The following PCCA variants were observed in gnomAD, a reference collection of about 807,000 sequenced individuals.
PCCA encodes propionyl-CoA carboxylase alpha chain, mitochondrial.
In PCCA, 74 loss-of-function variants were observed where a neutral mutation model predicts 101.3. The ratio of observed to expected loss-of-function variants is 0.73; its 90% CI spans 0.61 to 0.89. The LOEUF is 0.89. Ranked by LOEUF, PCCA falls within the 40% of genes least tolerant of loss-of-function variation. The probability of loss-of-function intolerance (pLI) is 0.00; values close to 1 mark genes in which losing one functional copy is unlikely to be tolerated. For synonymous variants in PCCA, 294 were observed against 313.6 expected, an observed-to-expected ratio of 0.94 and a Z score of 0.66; for missense variants, 891 against 907.0, an observed-to-expected ratio of 0.98 and a Z score of 0.23.
rs2050568806 is a variant in PCCA, at chr13:100,132,047, T to C, written c.300+19986T>C. On this transcript the variant is annotated intron_variant, in intron 4 of 23. Coordinates refer to ENST00000376285, the MANE Select transcript of PCCA (RefSeq NM_000282.4). ...GGGAGAGGACAATACTAGGGCAGAA[T>C]AGAGCTTGGTAATTTCCAGAAAGTT... Among the ~76,000 whole-genome samples the C allele has an allele frequency of 1.3e-5, 2 of 152,146 alleles. 1 individual carries two copies. Among genetic ancestry groups the C allele is most frequent in the South Asian group, 4.1e-4 (2 of 4,828 alleles).
intron 14 of PCCA, among the ~76,000 whole-genome samples, 161 bp from the exon 15 acceptor site, chr13:100,307,031 A>G (rs2066504622): frequency 6.6e-6 from 1 of 152,234 alleles, no homozygotes; most frequent in African/African-American, 2.4e-5. Context: ...TTACATATTA[A>G]CGGATCAAGA....
intron 4 of PCCA, among the ~76,000 whole-genome samples, chr13:100,116,494 G>A (rs1048373903): frequency 2.0e-5 from 3 of 152,158 alleles, no homozygotes; most frequent in Non-Finnish European, 2.9e-5. Context: ...TTTTAGAGAT[G>A]ATTATGCAGT....
At chr13:100,117,551 C>G (rs1207319387) in intron 4 of PCCA, among the ~76,000 whole-genome samples, 3 of 151,594 alleles carry the variant, frequency 2.0e-5, no homozygotes, top group Non-Finnish European at 4.4e-5. Context: ...CACGTTCTCA[C>G]TCATAGGTGG....
intron 19 of PCCA, among the ~76,000 whole-genome samples, chr13:100,372,084 C>G (rs2075608891): frequency 6.6e-6 from 1 of 152,192 alleles, no homozygotes; most frequent in South Asian, 2.1e-4. Context: ...GTGGCTCATG[C>G]CTGTAATCTC....
chr13:100,176,864 T>C (rs980874579), intron 6 of PCCA, among the ~76,000 whole-genome samples: 40 of 152,214 alleles, frequency 2.6e-4, no homozygotes, highest in African/African-American at 9.6e-4. Context: ...AGTTTAGTAA[T>C]GTTCTGATTA....
intron 18 of PCCA, among the ~76,000 whole-genome samples, chr13:100,350,269 A>G (rs1263569181): frequency 7.2e-5 from 11 of 152,206 alleles, no homozygotes; most frequent in Admixed American, 7.2e-4. Context: ...ACAACTTATC[A>G]TAACTCGTTT....
chr13:100,134,382 G>A (rs150582578), intron 4 of PCCA, among the ~76,000 whole-genome samples: 13 of 151,758 alleles, frequency 8.6e-5, no homozygotes, highest in East Asian at 7.7e-4. Flanking sequence ...TTGCCTTTTC[G>A]TATACATTTT....
Position 100,297,697 on chromosome 13 carries a change from G to T in PCCA, c.1066-3763G>T, listed in dbSNP as rs915569947. Among the ~76,000 whole-genome samples the T allele has an allele frequency of 5.3e-5, 8 of 152,300 alleles. No homozygotes were observed. The East Asian group carries it at 1.5e-3, about 29-fold the overall frequency. ...AAAGCTAGCCGATTGTTACCATCTA[G>T]CGTAGGTGTATGGAGCTAAACATAT... is the stretch of plus-strand genomic sequence containing the variant. On this transcript the variant is annotated intron_variant, in intron 12 of 23. Transcript: ENST00000376285.
chr13:100,106,309 C>T (rs2047789569), intron 2 of PCCA, among the ~76,000 whole-genome samples: 1 of 152,084 alleles, frequency 6.6e-6, no homozygotes, highest in South Asian at 2.1e-4. Flanking sequence ...TCATTATAAC[C>T]TCATAGTGAA....
In PCCA at chr13:100,111,882, A is replaced by C. The variant is rs1243423868; in HGVS notation, c.225A>C (p.Ala75=). 5 of 1,610,568 alleles carry C rather than the reference A, an allele frequency of 3.1e-6. No homozygotes were observed. Among genetic ancestry groups the C allele is most frequent in the Non-Finnish European group, 4.2e-6 (5 of 1,177,346 alleles). ...KILVANRGEI[A]CRVIRTCKKM... is the part of the protein sequence containing the mutation. ...TTGTTGCTAATAGAGGAGAAATTGC[A>C]TGTCGGGTGAGTAGAATTTTCGTCT... Residue 75 remains alanine, a synonymous_variant, in exon 3 of 24, where the codon GCA becomes GCC. Transcript: ENST00000376285.
intron 4 of PCCA, among the ~76,000 whole-genome samples, chr13:100,135,120 G>C (rs9557389): frequency 6.6e-6 from 1 of 151,408 alleles, no homozygotes; most frequent in Admixed American, 6.6e-5. Context: ...TTGGCCAGGC[G>C]TGGTGGCTCG....
rs200292882 is a variant in PCCA, at chr13:100,404,475, G to GT, written c.1747-21150dup. ...AGGAGGAGAAAGAAGAAAAGAAGGC[G>GT]TTTTTTTTCAAAGGAGTCCTGGGGG... On this transcript the variant is annotated intron_variant, in intron 19 of 23. Transcript: ENST00000376285. 5.4e-4 allele frequency among the ~76,000 whole-genome samples: 82 copies of GT among 151,854 alleles called. 1 individual carries two copies. Among genetic ancestry groups the GT allele is most frequent in the African/African-American group, 1.8e-3 (76 of 41,426 alleles).
chr13:100,177,637 C>T (rs749751774), intron 6 of PCCA, among the ~76,000 whole-genome samples: 11 of 152,070 alleles, frequency 7.2e-5, no homozygotes, highest in Non-Finnish European at 1.2e-4. Context: ...GCCTGGGCCC[C>T]CTGTTGAAAA....
chr13:100,440,937 T>G (rs2080324805), intron 20 of PCCA, among the ~76,000 whole-genome samples: 1 of 152,184 alleles, frequency 6.6e-6, no homozygotes, highest in Non-Finnish European at 1.5e-5. Flanking sequence ...ATAACTCTGT[T>G]GACTCTGCTT....
At chr13:100,367,061 A>G (rs1567013608) in intron 18 of PCCA, among the ~76,000 whole-genome samples, 1 of 152,222 alleles carries the variant, frequency 6.6e-6, no homozygotes. Context: ...CTGTGGTTTA[A>G]GCTGGAGCCC....
intron 21 of PCCA, among the ~76,000 whole-genome samples, chr13:100,483,824 T>G (rs2084149070): frequency 6.6e-6 from 1 of 152,180 alleles, no homozygotes; most frequent in Non-Finnish European, 1.5e-5. Context: ...AGAGAGCACC[T>G]CCCTAATCTG....
chr13:100,209,546 CT>C, intron 7 of PCCA, 83 bp downstream of exon 7: 1 of 1,154,344 alleles, frequency 8.7e-7, no homozygotes, highest in Non-Finnish European at 1.3e-6. Flanking sequence ...GTAACTATTG[CT>C]TTTTTGGGAT....
chr13:100,247,214 G>A (rs192059604), intron 8 of PCCA, among the ~76,000 whole-genome samples: 9,267 of 130,188 alleles, frequency 0.071, 402 homozygotes, highest in Non-Finnish European at 0.099. Flanking sequence ...AGCCTGTGTG[G>A]GTTTTTTTTT....
At chr13:100,527,102 T>G (rs2087900478) in intron 22 of PCCA, among the ~76,000 whole-genome samples, 2 of 143,898 alleles carry the variant, frequency 1.4e-5, no homozygotes, top group South Asian at 2.2e-4. Context: ...TTGGTGGTGG[T>G]TTTTTTTTTT....
Sources: gnomAD v4.1 joint callset for allele counts (sites outside exome capture counted in the v4.1 genomes callset) on GRCh38, gnomAD v4.1.1 for gene constraint, MANE v1.5 for transcripts, NCBI Gene and HGNC (gene_info 2026-07-23, HGNC 2026-07-21) for gene names.